The following RADIL variants were observed in gnomAD, a reference collection of about 807,000 sequenced individuals.
RADIL encodes the protein ras-associating and dilute domain-containing protein.
Under a neutral mutation model 97.6 loss-of-function variants are expected in RADIL, and 99 were observed. The ratio of observed to expected loss-of-function variants is 1.01; its 90% confidence interval spans 0.86 to 1.20. RADIL has a LOEUF of 1.20. Ranked by LOEUF, RADIL falls within the 50% of genes most tolerant of loss-of-function variation. The probability of loss-of-function intolerance (pLI) is 0.00; values close to 1 mark genes in which losing one functional copy is unlikely to be tolerated. For synonymous variants in RADIL, 803 were observed against 691.8 expected (o/e 1.16, Z -2.52); for missense variants, 1,765 against 1,498.9 (o/e 1.18, Z -2.93).
Position 4,815,541 on chromosome 7 carries a change from T to C in RADIL, c.1967-91A>G, listed in dbSNP as rs1782655936. 3.0e-6 allele frequency: 4 copies of C among 1,325,020 alleles called. No individual in the cohort carries two copies. Among genetic ancestry groups the C allele is most frequent in the Non-Finnish European group, 4.0e-6 (4 of 999,190 alleles). 82.1% of individuals were successfully genotyped at this position (1,325,020 alleles called of 1,614,324 possible). A position where few individuals can be genotyped will look rare whatever the true frequency, so the allele number is the denominator to read the frequency against. On this transcript the variant is annotated intron_variant, in intron 8 of 14. Transcript: ENST00000399583. The surrounding 1 kb of genome is among the most constrained non-coding windows in gnomAD (Gnocchi z 8.0). Reference sequence around the variant, plus strand: ...GTCCCCAGAGCCTGCCCTTCCCGGCTCTGGGCCACTGAGGACATCACAGCT... The same window carrying C: ...GTCCCCAGAGCCTGCCCTTCCCGGCCCTGGGCCACTGAGGACATCACAGCT...
rs1783307178 is a variant in RADIL at position 4,836,597 on chromosome 7, CG to C, written c.543del (p.Asn181LysfsTer40). On this transcript the variant is annotated frameshift_variant, in exon 3 of 15. Transcript: ENST00000399583. LOFTEE classifies it high-confidence loss of function. Reference protein sequence around the residue: ...KEVDTITAGINAQARRLQRSR... With the variant: ...KEVDTITAGIXAQARRLQRSR... The stretch of plus-strand genomic sequence containing the variant: ...CTCCGCTGCAGCCTCCGGGCCTGGG[CG>C]TTTATCCCTGGAACAGAAGCAACAC... The C allele has an allele frequency of 6.2e-7, 1 of 1,606,870 alleles. No individual in the cohort carries two copies. Among genetic ancestry groups the C allele is most frequent in the African/African-American group, 1.3e-5 (1 of 74,892 alleles).
intron 2 of RADIL, among the ~76,000 whole-genome samples, chr7:4,843,155 C>T (rs1168417254): frequency 6.6e-6 from 1 of 151,402 alleles, no homozygotes; most frequent in Non-Finnish European, 1.5e-5. Context: ...TACAGAAGCC[C>T]ACTACCCCCG....
chr7:4,838,084 G>A (rs1416938709), intron 2 of RADIL: 1 of 983,624 alleles, frequency 1.0e-6, no homozygotes. Flanking sequence ...CAGGGCGTGA[G>A]GGAGGCCGCC....
rs116089020 is a variant in RADIL at position 4,859,736 on chromosome 7, G to A, written c.535+17869C>T. Reference sequence around the variant, plus strand: ...ATTTGCAGGGAGAACAGGGATACCGGAAAGATCTATACTGATGTTCCCTGA... The same window carrying A: ...ATTTGCAGGGAGAACAGGGATACCGAAAAGATCTATACTGATGTTCCCTGA... On this transcript the variant is annotated intron_variant, in intron 2 of 14. Coordinates refer to ENST00000399583, the MANE Select transcript of RADIL (RefSeq NM_018059.5). 2.2e-3 allele frequency: 1,329 copies of A among 597,140 alleles called. 19 individuals are homozygous for A. The African/African-American group carries it at 0.023, about 10-fold the overall frequency. The allele number at this position is 597,140 out of a possible 1,614,324, so 37.0% of individuals were successfully genotyped here.
At position 4,817,463 on chromosome 7, in the gene RADIL, T is replaced by C. The variant is rs868267308; in HGVS notation, c.1616-112A>G. The C allele has an allele frequency of 4.2e-4, 379 of 893,008 alleles. 2 individuals are homozygous for C. The highest frequency in any genetic ancestry group is 4.4e-4 in the Non-Finnish European group (260 of 590,146). 55.3% of individuals were successfully genotyped at this position (893,008 alleles called of 1,614,324 possible). On this transcript the variant is annotated intron_variant, in intron 6 of 14. Coordinates refer to ENST00000399583, the MANE Select transcript of RADIL (RefSeq NM_018059.5). This position sits in a 1 kb window ranked among gnomAD's most constrained non-coding sequence, Gnocchi z 8.3. ...GCGCGGGCACCACCCAACGCGCCCA[T>C]CTGGGGTCCAGATGCGATAAACTGG...
At position 4,861,820 on chromosome 7, in the gene RADIL, C is replaced by G. The variant is rs2115034610; in HGVS notation, c.535+15785G>C. On this transcript the variant is annotated intron_variant, in intron 2 of 14. Transcript: ENST00000399583. ...CCGGAAACGGCATCATCTTTCAGCG[C>G]CCGCCCCGCCAGGGCACGTCCCCCA... The G allele has an allele frequency of 2.1e-6, 3 of 1,426,192 alleles. No homozygotes were observed. The East Asian group carries it at 7.6e-5, about 36-fold the overall frequency. The allele number at this position is 1,426,192 out of a possible 1,614,324, so 88.3% of individuals were successfully genotyped here. A position where few individuals can be genotyped will look rare whatever the true frequency, so the allele number is the denominator to read the frequency against.
chr7:4,834,658 T>C lies in RADIL; in HGVS notation c.1365A>G (p.Thr455=). Residue 455 remains threonine, a synonymous_variant, in exon 4 of 15, where the codon ACA becomes ACG. Coordinates refer to ENST00000399583, the MANE Select transcript of RADIL (RefSeq NM_018059.5). The surrounding 1 kb of genome is among the most constrained non-coding windows in gnomAD (Gnocchi z 6.0). ...CTATCTTGAGCAGGAGCTGCCCGAATGTGCCCGGCTGGAAGTGGGTGGCCG... is the reference window on the plus strand; with the variant it reads ...CTATCTTGAGCAGGAGCTGCCCGAACGTGCCCGGCTGGAAGTGGGTGGCCG... ...QHSATHFQPG[T]FGQLLLKIAR... is the part of the protein sequence containing the mutation. 1 of 1,363,646 alleles carries C rather than the reference T, an allele frequency of 7.3e-7. No homozygotes were observed. The highest frequency in any genetic ancestry group is 1.5e-5 in the African/African-American group (1 of 66,904). The allele number at this position is 1,363,646 out of a possible 1,614,324, so 84.5% of individuals were successfully genotyped here.
chr7:4,860,993 A>T (rs1783976118), intron 2 of RADIL: 3 of 1,614,220 alleles, frequency 1.9e-6, no homozygotes, highest in East Asian at 2.2e-5. Context: ...TACCAAGAAG[A>T]ATTTCCGTAC....
In RADIL at chr7:4,798,137, C is replaced by CTATATATATATA. The variant is rs111926305; in HGVS notation, c.*1229_*1240dup. ...CATATCTTAAATATATATACAAACA[C>CTATATATATATA]TATATATATATATATATTTTATCCA... On this transcript the variant is annotated 3_prime_UTR_variant, in exon 15 of 15. Coordinates refer to ENST00000399583, the MANE Select transcript of RADIL (RefSeq NM_018059.5). 3 of 146,660 alleles carry CTATATATATATA rather than the reference C, an allele frequency of 2.0e-5. No homozygotes were observed. Among genetic ancestry groups the CTATATATATATA allele is most frequent in the African/African-American group, 7.4e-5 (3 of 40,320 alleles). The allele number at this position is 146,660 out of a possible 1,614,324, so 9.1% of individuals were successfully genotyped here. A position where few individuals can be genotyped will look rare whatever the true frequency, so the allele number is the denominator to read the frequency against.
At chr7:4,860,507 C>G (rs779700468) in intron 2 of RADIL, 1 of 1,614,068 alleles carries the variant, frequency 6.2e-7, no homozygotes, top group South Asian at 1.1e-5. Flanking sequence ...CCACATTGTA[C>G]GAAATTCTTC....
chr7:4,861,482 G>A (rs2115033939), intron 2 of RADIL: 4 of 1,614,076 alleles, frequency 2.5e-6, no homozygotes, highest in Non-Finnish European at 3.4e-6. Flanking sequence ...TGCGCCTTTC[G>A]TATGTACTCC....
intron 10 of RADIL, 116 bp downstream of exon 10, chr7:4,805,450 C>T: frequency 7.5e-7 from 1 of 1,330,784 alleles, no homozygotes; most frequent in East Asian, 2.4e-5. Context: ...GGGAGGTCCC[C>T]AGGAGAGAGG....
chr7:4,828,831 G>C (rs957105068), intron 5 of RADIL, among the ~76,000 whole-genome samples: 4 of 152,210 alleles, frequency 2.6e-5, no homozygotes, highest in African/African-American at 4.8e-5. Context: ...CAGCACGAGC[G>C]GGCAGCTGCA....
intron 9 of RADIL, among the ~76,000 whole-genome samples, chr7:4,806,482 C>T (rs1263455977): frequency 1.3e-5 from 2 of 152,162 alleles, no homozygotes; most frequent in Non-Finnish European, 2.9e-5. Flanking sequence ...CCACTGGCTC[C>T]GGCCCAGGAA....
intron 9 of RADIL, among the ~76,000 whole-genome samples, chr7:4,812,731 A>G (rs1782579757): frequency 6.6e-6 from 1 of 152,044 alleles, no homozygotes; most frequent in African/African-American, 2.4e-5. Flanking sequence ...CTCTTATTCA[A>G]CTTTTCAAAG....
At chr7:4,881,726 C>CA (rs540740997) in intron 1 of RADIL, among the ~76,000 whole-genome samples, 1,633 of 78,930 alleles carry the variant, frequency 0.021, 13 homozygotes, top group African/African-American at 0.027. Context: ...GACTCCGTCT[C>CA]AAAAAAAAAA....
rs1446191801 is a variant in RADIL at position 4,821,288 on chromosome 7, G to A, written c.1615+1106C>T. On this transcript the variant is annotated intron_variant, in intron 6 of 14. Coordinates refer to ENST00000399583, the MANE Select transcript of RADIL (RefSeq NM_018059.5). This position sits in a 1 kb window ranked among gnomAD's most constrained non-coding sequence, Gnocchi z 5.2. ...CCCACAGATGTGAGGGCAGTGGGTG[G>A]ACAGCAAGGCCGTTGGGGGCAGAAC... Among the ~76,000 whole-genome samples, 1 of 152,192 alleles carries A rather than the reference G, an allele frequency of 6.6e-6. No individual in the cohort carries two copies. The highest frequency in any genetic ancestry group is 1.9e-4 in the East Asian group (1 of 5,170).
chr7:4,801,541 G>C, intron 12 of RADIL, 112 bp downstream of exon 12: 1 of 1,176,948 alleles, frequency 8.5e-7, no homozygotes, highest in Non-Finnish European at 1.2e-6. Flanking sequence ...GTGTCTGTGG[G>C]GCAGGTAAGG....
intron 2 of RADIL, chr7:4,860,233 C>A: frequency 2.5e-6 from 4 of 1,613,996 alleles, no homozygotes; most frequent in Non-Finnish European, 3.4e-6. Flanking sequence ...AGCCTGCAGA[C>A]AAGTCAAAGC....
Sources: allele counts gnomAD v4.1 joint callset (sites outside exome capture counted in the v4.1 genomes callset), GRCh38; gene constraint gnomAD v4.1.1; non-coding constraint Gnocchi (gnomAD v3.1); transcripts MANE v1.5; gene names NCBI Gene and HGNC (gene_info 2026-07-23, HGNC 2026-07-21).